Variants in MAPKAPK2 observed in about 807,000 individuals in gnomAD.
The protein encoded by MAPKAPK2 is MAPK activated protein kinase 2, also known as MAP kinase-activated protein kinase 2.
MAPKAPK2 carries 9 observed loss-of-function variants against 48.8 expected under a neutral mutation model. That is an observed-to-expected ratio of 0.18 (90% CI 0.11 to 0.32). MAPKAPK2 has a LOEUF of 0.32. Among genes scored for constraint, MAPKAPK2 ranks in the 10% least tolerant of loss-of-function variants. The pLI is 1.00. For missense variants in MAPKAPK2, 331 were observed against 498.3 expected (o/e 0.66, Z 3.20); for synonymous variants, 202 against 190.6 (o/e 1.06, Z -0.49).
chr1:206,717,745 G>A (rs1673379476), intron 1 of MAPKAPK2, among the ~76,000 whole-genome samples: 1 of 152,108 alleles, frequency 6.6e-6, no homozygotes, highest in African/African-American at 2.4e-5. Flanking sequence ...CTCAGGCCAG[G>A]GGTTCAAATA....
chr1:206,711,630 T>C (rs1222169504), intron 1 of MAPKAPK2, among the ~76,000 whole-genome samples: 17 of 145,692 alleles, frequency 1.2e-4, no homozygotes, highest in African/African-American at 3.9e-4. Flanking sequence ...TTTTTTTTTA[T>C]GTTTTTGAGA....
rs1232687350 is a variant in MAPKAPK2 at position 206,684,922 on chromosome 1, C to A, written c.-308C>A. 1.3e-5 allele frequency: 2 copies of A among 151,432 alleles called. No homozygotes were observed. Among genetic ancestry groups the A allele is most frequent in the African/African-American group, 4.9e-5 (2 of 41,190 alleles). 9.4% of individuals were successfully genotyped at this position (151,432 alleles called of 1,614,324 possible). On this transcript the variant is annotated 5_prime_UTR_variant, in exon 1 of 10. Transcript: ENST00000367103. Reference sequence around the variant, plus strand: ...ACGAGGCTGTGACGCGGCCGCCGGCCCGGGGCTGGGTACATTGTCGCGCGG... The same window carrying A: ...ACGAGGCTGTGACGCGGCCGCCGGCACGGGGCTGGGTACATTGTCGCGCGG...
At position 206,732,768 on chromosome 1, in the gene MAPKAPK2, G is replaced by A; in HGVS notation, c.*50G>A. The A allele has an allele frequency of 3.8e-6, 6 of 1,598,988 alleles. No individual in the cohort carries two copies. The highest frequency in any genetic ancestry group is 5.1e-6 in the Non-Finnish European group (6 of 1,170,790). On this transcript the variant is annotated 3_prime_UTR_variant, in exon 10 of 10. Coordinates refer to ENST00000367103, the MANE Select transcript of MAPKAPK2 (RefSeq NM_032960.4). This position sits in a 1 kb window ranked among gnomAD's most constrained non-coding sequence, Gnocchi z 4.4. ...GAGGACAAGCAATAACTCTCTACAG[G>A]AATATATTTTTTAAACGAAGAGACA...
At chr1:206,708,060 G>A (rs1673020535) in intron 1 of MAPKAPK2, among the ~76,000 whole-genome samples, 1 of 152,226 alleles carries the variant, frequency 6.6e-6, no homozygotes, top group Non-Finnish European at 1.5e-5. Context: ...CAGCCAGAGA[G>A]GGGCAGGGAC....
chr1:206,725,803 G>C (rs1432520105), intron 1 of MAPKAPK2, among the ~76,000 whole-genome samples: 5 of 152,064 alleles, frequency 3.3e-5, no homozygotes, highest in Admixed American at 3.3e-4. Context: ...TGGAAACCTT[G>C]TTCCTCCTGA....
rs534331326 is a variant in MAPKAPK2 at position 206,695,402 on chromosome 1, G to A, written c.279+9894G>A. ...AGCCCTTCAGTGGGTCTCTCTGCCT[G>A]CAGAATACATGAGATATCCACATCT... On this transcript the variant is annotated intron_variant, in intron 1 of 9. Coordinates refer to ENST00000367103, the MANE Select transcript of MAPKAPK2 (RefSeq NM_032960.4). Among the ~76,000 whole-genome samples the A allele has an allele frequency of 2.0e-5, 3 of 151,020 alleles. No individual in the cohort carries two copies. The South Asian group carries it at 6.3e-4, about 32-fold the overall frequency.
chr1:206,708,786 C>T (rs1194518662), intron 1 of MAPKAPK2, among the ~76,000 whole-genome samples: 1 of 152,148 alleles, frequency 6.6e-6, no homozygotes, highest in Non-Finnish European at 1.5e-5. Flanking sequence ...CCAACACATA[C>T]CCCCTCGCAA....
At chr1:206,689,436 T>G (rs1239835553) in intron 1 of MAPKAPK2, among the ~76,000 whole-genome samples, 2 of 152,206 alleles carry the variant, frequency 1.3e-5, no homozygotes, top group Non-Finnish European at 2.9e-5. Context: ...GGCAAGACAG[T>G]TAGTGTGGCT....
chr1:206,697,813 T>G (rs1206213333), intron 1 of MAPKAPK2, among the ~76,000 whole-genome samples: 4 of 152,170 alleles, frequency 2.6e-5, no homozygotes, highest in Non-Finnish European at 5.9e-5. Context: ...CACAACAGAT[T>G]TACACAAGAA....
Position 206,731,426 on chromosome 1 carries a change from G to T in MAPKAPK2, c.892+164G>T. 1 of 1,394,708 alleles carries T rather than the reference G, an allele frequency of 7.2e-7. No homozygotes were observed. Among genetic ancestry groups the T allele is most frequent in the Non-Finnish European group, 9.7e-7 (1 of 1,026,518 alleles). The allele number at this position is 1,394,708 out of a possible 1,614,324, so 86.4% of individuals were successfully genotyped here. A position where few individuals can be genotyped will look rare whatever the true frequency, so the allele number is the denominator to read the frequency against. ...TGCGGGGTGCGTCCTGCTTCATTTT[G>T]CCTGTGTGGAGGGCTGGAGGCAGGG... On this transcript the variant is annotated intron_variant, in intron 7 of 9. Coordinates refer to ENST00000367103, the MANE Select transcript of MAPKAPK2 (RefSeq NM_032960.4). The surrounding 1 kb of genome is among the most constrained non-coding windows in gnomAD (Gnocchi z 5.9).
At chr1:206,719,789 T>C (rs1673457497) in intron 1 of MAPKAPK2, among the ~76,000 whole-genome samples, 1 of 152,242 alleles carries the variant, frequency 6.6e-6, no homozygotes, top group African/African-American at 2.4e-5. Context: ...GTCTGTAATT[T>C]TGAGAGATGA....
chr1:206,724,549 C>CTTTT (rs11405091), intron 1 of MAPKAPK2, among the ~76,000 whole-genome samples: 2 of 134,508 alleles, frequency 1.5e-5, no homozygotes, highest in Admixed American at 7.5e-5. Flanking sequence ...ATGACCAGTC[C>CTTTT]TTTTTTTTTT....
At chr1:206,692,724 T>C (rs1349415972) in intron 1 of MAPKAPK2, among the ~76,000 whole-genome samples, 2 of 152,222 alleles carry the variant, frequency 1.3e-5, no homozygotes, top group African/African-American at 4.8e-5. Flanking sequence ...TGTGCGCTCA[T>C]TCTGCTGGGA....
At position 206,734,124 on chromosome 1, in the gene MAPKAPK2, G is replaced by C. The variant is rs1183836340; in HGVS notation, c.*1406G>C. The stretch of plus-strand genomic sequence containing the variant: ...TCACCTTTCCTCTCCCTCAGGGGCA[G>C]GTGGTGGAGGGGCGCCCAGGGTCGT... On this transcript the variant is annotated 3_prime_UTR_variant, in exon 10 of 10. Coordinates refer to ENST00000367103, the MANE Select transcript of MAPKAPK2 (RefSeq NM_032960.4). The C allele has an allele frequency of 6.5e-6, 1 of 152,806 alleles. No individual in the cohort carries two copies. The highest frequency in any genetic ancestry group is 1.9e-4 in the East Asian group (1 of 5,310). The allele number at this position is 152,806 out of a possible 1,614,324, so 9.5% of individuals were successfully genotyped here.
intron 1 of MAPKAPK2, among the ~76,000 whole-genome samples, chr1:206,712,497 G>T (rs57979003): frequency 0.011 from 1,692 of 152,082 alleles, 20 homozygotes; most frequent in African/African-American, 0.03. Flanking sequence ...GGGTTTTTTT[G>T]TTGTTGTTGT....
chr1:206,732,683 G>A lies in MAPKAPK2; in HGVS notation c.1168G>A (p.Ala390Thr), dbSNP rs782678368. 5.0e-6 allele frequency: 8 copies of A among 1,614,232 alleles called. No individual in the cohort carries two copies. In the Admixed American group the frequency reaches 1.3e-4, roughly 27 times the overall value. Residue 390 changes from alanine (A) to threonine (T), a missense_variant, in exon 10 of 10, where the codon GCT (alanine) becomes ACT (threonine). Ala to Thr is a moderately conservative substitution (Grantham distance 58). This residue lies in a region of MAPKAPK2 where 124 missense variants were observed against 194.6 expected (regional missense o/e 0.64). Transcript: ENST00000367103. This position sits in a 1 kb window ranked among gnomAD's most constrained non-coding sequence, Gnocchi z 4.4. ...NPLLLKRRKK[A>T]RALEAAALAH ...TCTGCTGCTGAAGAGGCGGAAGAAA[G>A]CTCGGGCCCTGGAGGCTGCGGCTCT...
intron 1 of MAPKAPK2, among the ~76,000 whole-genome samples, chr1:206,700,620 A>G (rs1672767737): frequency 6.6e-6 from 1 of 152,210 alleles, no homozygotes; most frequent in African/African-American, 2.4e-5. Flanking sequence ...CCTGTGTGCT[A>G]TAGCTGGGCA....
intron 1 of MAPKAPK2, among the ~76,000 whole-genome samples, chr1:206,691,416 A>C (rs991305699): frequency 6.7e-6 from 1 of 148,250 alleles, no homozygotes; most frequent in Non-Finnish European, 1.5e-5. Flanking sequence ...GCAGTTATAG[A>C]ACCCAAATCA....
chr1:206,702,557 G>C (rs1191513078), intron 1 of MAPKAPK2, among the ~76,000 whole-genome samples: 1 of 152,272 alleles, frequency 6.6e-6, no homozygotes, highest in African/African-American at 2.4e-5. Context: ...CCGTAGGGAA[G>C]AGTCCCTGCT....
Sources: gnomAD v4.1 joint callset for allele counts (sites outside exome capture counted in the v4.1 genomes callset) on GRCh38, gnomAD v4.1.1 for gene constraint, gnomAD v4.1.1 regional missense constraint, Gnocchi (gnomAD v3.1) non-coding constraint, MANE v1.5 for transcripts, NCBI Gene and HGNC (gene_info 2026-07-23, HGNC 2026-07-21) for gene names.